Variants in ATP8A2 observed in about 807,000 individuals in gnomAD.
ATP8A2 encodes ATPase phospholipid transporting 8A2.
In ATP8A2, 100 loss-of-function variants were observed where a neutral mutation model predicts 165.6. The ratio of observed to expected loss-of-function variants is 0.60; its 90% CI spans 0.51 to 0.71. The LOEUF (loss-of-function observed/expected upper bound fraction) is 0.71. Among genes scored for constraint, ATP8A2 ranks in the 30% least tolerant of loss-of-function variants. The pLI is 0.00. For missense variants in ATP8A2, 1,227 were observed against 1,479.5 expected (o/e 0.83, Z 2.80); for synonymous variants, 543 against 548.8 (o/e 0.99, Z 0.15).
intron 23 of ATP8A2, among the ~76,000 whole-genome samples, chr13:25,582,295 A>G (rs2039797678): frequency 6.6e-6 from 1 of 152,202 alleles, no homozygotes; most frequent in African/African-American, 2.4e-5. Flanking sequence ...AATATGCGTT[A>G]TTATTTTATG....
chr13:25,935,365 G>C (rs1172004882), intron 33 of ATP8A2, among the ~76,000 whole-genome samples: 1 of 152,210 alleles, frequency 6.6e-6, no homozygotes, highest in East Asian at 1.9e-4. Flanking sequence ...CTGCTGGGCA[G>C]TTGATTAGAT....
intron 30 of ATP8A2, among the ~76,000 whole-genome samples, chr13:25,847,104 T>G (rs1272215933): frequency 6.6e-6 from 1 of 152,196 alleles, no homozygotes; most frequent in African/African-American, 2.4e-5. Context: ...CTCTGCCATC[T>G]GGGAAGACCT....
At chr13:25,918,231 C>G (rs192062656) in intron 33 of ATP8A2, among the ~76,000 whole-genome samples, 6 of 152,296 alleles carry the variant, frequency 3.9e-5, no homozygotes, top group African/African-American at 1.2e-4. Flanking sequence ...TAAAATGCCT[C>G]AAGATGCTCA....
chr13:25,863,903 G>A (rs1428828270), intron 33 of ATP8A2, among the ~76,000 whole-genome samples: 1 of 152,194 alleles, frequency 6.6e-6, no homozygotes, highest in African/African-American at 2.4e-5. Context: ...AATCCAGACA[G>A]TAGAGGAAAT....
chr13:25,800,623 T>A (rs1950603007), intron 27 of ATP8A2, among the ~76,000 whole-genome samples: 1 of 152,138 alleles, frequency 6.6e-6, no homozygotes, highest in South Asian at 2.1e-4. Context: ...GAAGGAGATT[T>A]GCTGAACTGA....
At chr13:25,951,125 G>A (rs1955344566) in intron 33 of ATP8A2, among the ~76,000 whole-genome samples, 1 of 152,086 alleles carries the variant, frequency 6.6e-6, no homozygotes, top group Non-Finnish European at 1.5e-5. Context: ...CCCACTCCCA[G>A]GTGTTGACCC....
chr13:25,491,811 A>G lies in ATP8A2; in HGVS notation c.221+22690A>G, dbSNP rs146071823. On this transcript the variant is annotated intron_variant, in intron 2 of 36. Coordinates refer to ENST00000381655, the MANE Select transcript of ATP8A2 (RefSeq NM_016529.6). Reference sequence around the variant, plus strand: ...GAAGACCAAGTCAAGAAAAGAAAATATGACATTAGTGGTGTGATTTAGTAG... The same window carrying G: ...GAAGACCAAGTCAAGAAAAGAAAATGTGACATTAGTGGTGTGATTTAGTAG... 5.0e-3 allele frequency among the ~76,000 whole-genome samples: 755 copies of G among 152,334 alleles called. 5 individuals are homozygous for G. The highest frequency in any genetic ancestry group is 0.018 in the African/African-American group (732 of 41,564).
At chr13:25,702,429 A>C (rs932148901) in intron 25 of ATP8A2, among the ~76,000 whole-genome samples, 2 of 152,210 alleles carry the variant, frequency 1.3e-5, no homozygotes, top group Non-Finnish European at 2.9e-5. Flanking sequence ...ATATGGTTAA[A>C]ATCCTAGAGA....
At chr13:25,829,668 G>GTACATATA (rs1951406043) in intron 28 of ATP8A2, among the ~76,000 whole-genome samples, 1 of 63,394 alleles carries the variant, frequency 1.6e-5, no homozygotes, top group Non-Finnish European at 3.1e-5. Flanking sequence ...GACAGGTGTG[G>GTACATATA]TATATATATA....
At chr13:25,606,788 A>G (rs1169581144) in intron 24 of ATP8A2, among the ~76,000 whole-genome samples, 2 of 152,214 alleles carry the variant, frequency 1.3e-5, no homozygotes, top group Non-Finnish European at 2.9e-5. Context: ...TGCTAGTCAC[A>G]TGTGGTTATT....
intron 25 of ATP8A2, among the ~76,000 whole-genome samples, chr13:25,754,053 G>A (rs1018642746): frequency 6.6e-6 from 1 of 152,206 alleles, no homozygotes; most frequent in African/African-American, 2.4e-5. Context: ...AGTCAAGATG[G>A]ATAGCCCTGC....
intron 25 of ATP8A2, among the ~76,000 whole-genome samples, chr13:25,739,359 T>C (rs2043857215): frequency 6.6e-6 from 1 of 152,230 alleles, no homozygotes; most frequent in Admixed American, 6.5e-5. Context: ...TTCTGTTCTC[T>C]ATCATTAAAC....
At chr13:25,912,996 A>C (rs1270452385) in intron 33 of ATP8A2, among the ~76,000 whole-genome samples, 2 of 152,206 alleles carry the variant, frequency 1.3e-5, no homozygotes, top group Admixed American at 6.5e-5. Context: ...GACTTTTAGC[A>C]AGTTACTATC....
At chr13:25,839,777 T>C (rs1355173886) in intron 30 of ATP8A2, among the ~76,000 whole-genome samples, 153 bp downstream of exon 30, 3 of 152,208 alleles carry the variant, frequency 2.0e-5, no homozygotes, top group Non-Finnish European at 2.9e-5. Context: ...TGAGAGCTAG[T>C]CCCAGGTTTA....
At chr13:25,644,390 C>T (rs1205680765) in intron 24 of ATP8A2, among the ~76,000 whole-genome samples, 1 of 152,136 alleles carries the variant, frequency 6.6e-6, no homozygotes, top group African/African-American at 2.4e-5. Context: ...GTTGAACTAT[C>T]CTTGCATCCC....
intron 33 of ATP8A2, among the ~76,000 whole-genome samples, chr13:25,877,829 A>C (rs547867475): frequency 2.0e-5 from 3 of 152,366 alleles, no homozygotes; most frequent in African/African-American, 7.2e-5. Context: ...TGTCAAGGAA[A>C]GTAGCTGTGT....
At chr13:25,431,033 C>T (rs1171729583) in intron 1 of ATP8A2, among the ~76,000 whole-genome samples, 1 of 152,134 alleles carries the variant, frequency 6.6e-6, no homozygotes, top group Non-Finnish European at 1.5e-5. Flanking sequence ...CACACACACA[C>T]ACATAATGGG....
At chr13:25,440,955 A>G (rs757134559) in intron 1 of ATP8A2, among the ~76,000 whole-genome samples, 1 of 152,220 alleles carries the variant, frequency 6.6e-6, no homozygotes, top group Non-Finnish European at 1.5e-5. Context: ...CATGATATGT[A>G]GATAGCAGGA....
chr13:25,610,917 G>A (rs1275306162), intron 24 of ATP8A2, among the ~76,000 whole-genome samples: 3 of 146,826 alleles, frequency 2.0e-5, no homozygotes, highest in African/African-American at 7.6e-5. Flanking sequence ...ATTGTAGAAG[G>A]GGTTGAGTTC....
Sources: allele counts gnomAD v4.1 joint callset (sites outside exome capture counted in the v4.1 genomes callset), GRCh38; gene constraint gnomAD v4.1.1; transcripts MANE v1.5; gene names NCBI Gene and HGNC (gene_info 2026-07-23, HGNC 2026-07-21).